Variants in CPNE4 observed in about 807,000 individuals in gnomAD.
CPNE4 encodes the protein copine-4.
Under a neutral mutation model 67.9 loss-of-function variants are expected in CPNE4, and 25 were observed. That is an observed-to-expected ratio of 0.37 (90% CI 0.27 to 0.51). The LOEUF is 0.51. Among genes scored for constraint, CPNE4 ranks in the 20% least tolerant of loss-of-function variants. The probability of loss-of-function intolerance (pLI) is 0.93; values close to 1 mark genes in which losing one functional copy is unlikely to be tolerated. For synonymous variants in CPNE4, 242 were observed against 244.9 expected (o/e 0.99, Z 0.11); for missense variants, 464 against 690.8 (o/e 0.67, Z 3.68).
intron 2 of CPNE4, among the ~76,000 whole-genome samples, chr3:131,845,587 C>A (rs2085965053): frequency 6.6e-6 from 1 of 152,180 alleles, no homozygotes; most frequent in Admixed American, 6.5e-5. Context: ...GAACCCACGA[C>A]AGTCAAGAGA....
intron 15 of CPNE4, among the ~76,000 whole-genome samples, chr3:131,539,911 G>A (rs11921473): frequency 0.037 from 5,664 of 152,218 alleles, 257 homozygotes; most frequent in African/African-American, 0.1. Flanking sequence ...GGAGAAACTA[G>A]CTTCATTAAT....
chr3:132,022,033 C>G (rs1247345868), intron 1 of CPNE4, among the ~76,000 whole-genome samples: 2 of 152,202 alleles, frequency 1.3e-5, no homozygotes, highest in Non-Finnish European at 2.9e-5. Flanking sequence ...CCCTATTATT[C>G]CACCCCATAG....
intron 3 of CPNE4, among the ~76,000 whole-genome samples, chr3:131,700,921 A>T (rs949446973): frequency 6.6e-6 from 1 of 152,074 alleles, no homozygotes; most frequent in Non-Finnish European, 1.5e-5. Flanking sequence ...GCCATAAAAA[A>T]GGATGAGTTC....
chr3:131,690,800 G>T (rs897655074), intron 5 of CPNE4, among the ~76,000 whole-genome samples: 1 of 151,188 alleles, frequency 6.6e-6, no homozygotes, highest in African/African-American at 2.4e-5. Context: ...CAAACTATTT[G>T]TCTGGCAAAG....
intron 2 of CPNE4, among the ~76,000 whole-genome samples, chr3:131,768,999 G>A (rs374119962): frequency 3.7e-4 from 56 of 152,298 alleles, no homozygotes; most frequent in South Asian, 3.1e-3. Flanking sequence ...CATCTGGCAC[G>A]AGGATGTGAA....
chr3:131,978,576 C>T (rs2072817699), intron 1 of CPNE4, among the ~76,000 whole-genome samples: 2 of 83,490 alleles, frequency 2.4e-5, no homozygotes, highest in Non-Finnish European at 2.4e-5. Flanking sequence ...GTTTCTTTAT[C>T]CACTCTCCTC....
chr3:132,035,127 C>A, upstream of CPNE4: 2 of 920,872 alleles, frequency 2.2e-6, no homozygotes, highest in Non-Finnish European at 2.6e-6. Context: ...CGAGCTCAGG[C>A]CCCGCCCAGG....
At position 131,792,618 on chromosome 3, in the gene CPNE4, TGTATATATATATACACAC is replaced by T. The variant is rs1450055831; in HGVS notation, c.181-69011_181-68994del. ...ATATGTATATGTGTGTGTGTATATA[TGTATATATATATACACAC>T]GTGTATATATGTATATATACACACG... On this transcript the variant is annotated intron_variant, in intron 2 of 15. Transcript: ENST00000429747. Among the ~76,000 whole-genome samples the T allele has an allele frequency of 3.3e-4, 40 of 121,242 alleles. 1 individual carries two copies. The highest frequency in any genetic ancestry group is 1.2e-3 in the African/African-American group (36 of 30,398). The allele number at this position is 121,242 out of a possible 152,430, so 79.5% of individuals were successfully genotyped here.
chr3:131,982,857 G>T (rs1203079594), intron 1 of CPNE4, among the ~76,000 whole-genome samples: 1 of 151,848 alleles, frequency 6.6e-6, no homozygotes, highest in East Asian at 1.9e-4. Context: ...ACATATATAT[G>T]AAATACTATC....
At chr3:131,840,576 G>C (rs1400233997) in intron 2 of CPNE4, among the ~76,000 whole-genome samples, 1 of 152,184 alleles carries the variant, frequency 6.6e-6, no homozygotes, top group Non-Finnish European at 1.5e-5. Flanking sequence ...GAGATGATGT[G>C]GCTCTTGAAC....
At chr3:131,667,524 G>T (rs1474718848) in intron 7 of CPNE4, among the ~76,000 whole-genome samples, 1 of 151,936 alleles carries the variant, frequency 6.6e-6, no homozygotes, top group Non-Finnish European at 1.5e-5. Flanking sequence ...GATCCTACAG[G>T]CACAGGACAG....
Position 131,569,446 on chromosome 3 carries a change from G to T in CPNE4, c.928-5097C>A, listed in dbSNP as rs544501569. On this transcript the variant is annotated intron_variant, in intron 10 of 15. Coordinates refer to ENST00000429747, the MANE Select transcript of CPNE4 (RefSeq NM_130808.3). ...GGCCAGGAGTTTGAGACCAGCTTGG[G>T]CAACACAGCTGGACCCTGTCTCTAC... Among the ~76,000 whole-genome samples, 13 of 151,866 alleles carry T rather than the reference G, an allele frequency of 8.6e-5. No homozygotes were observed. The South Asian group carries it at 2.7e-3, about 32-fold the overall frequency.
chr3:131,568,387 G>T (rs1285499705), intron 10 of CPNE4, among the ~76,000 whole-genome samples: 2 of 151,972 alleles, frequency 1.3e-5, no homozygotes, highest in African/African-American at 4.8e-5. Context: ...TGAAAGATGG[G>T]ATTAAGTTGA....
At position 131,944,224 on chromosome 3, in the gene CPNE4, T is replaced by TC. The variant is rs1491253778; in HGVS notation, c.-1-38781_-1-38780insG. On this transcript the variant is annotated intron_variant, in intron 1 of 15. Transcript: ENST00000429747. ...AAGCTGAACCTCTTTCCTCTCTCTC[T>TC]TTTTTTTTTTCCAGAAAAGAATACA... 4.8e-4 allele frequency among the ~76,000 whole-genome samples: 39 copies of TC among 81,614 alleles called. No homozygotes were observed. The South Asian group carries it at 0.011, about 24-fold the overall frequency. The allele number at this position is 81,614 out of a possible 152,430, so 53.5% of individuals were successfully genotyped here. A position where few individuals can be genotyped will look rare whatever the true frequency, so the allele number is the denominator to read the frequency against.
At chr3:131,708,110 G>C (rs1334365371) in intron 3 of CPNE4, among the ~76,000 whole-genome samples, 1 of 152,146 alleles carries the variant, frequency 6.6e-6, no homozygotes, top group Non-Finnish European at 1.5e-5. Context: ...GGCTGTGGAA[G>C]GGGTGAAAAG....
intron 6 of CPNE4, 79 bp downstream of exon 6, chr3:131,685,796 A>G (rs889841922): frequency 3.2e-6 from 3 of 950,796 alleles, no homozygotes; most frequent in Admixed American, 4.3e-5. Flanking sequence ...ACACACACAC[A>G]CAAAAAGGAG....
At chr3:131,789,099 C>T (rs559997722) in intron 2 of CPNE4, among the ~76,000 whole-genome samples, 4 of 151,554 alleles carry the variant, frequency 2.6e-5, no homozygotes, top group African/African-American at 9.7e-5. Context: ...AAGGAAACTT[C>T]CACCTGGTCC....
intron 1 of CPNE4, among the ~76,000 whole-genome samples, chr3:132,021,936 A>C (rs1409331569): frequency 1.3e-5 from 2 of 152,230 alleles, no homozygotes; most frequent in African/African-American, 4.8e-5. Context: ...TTTCGATCTA[A>C]GTAACCAAGA....
intron 3 of CPNE4, among the ~76,000 whole-genome samples, chr3:131,711,221 C>T (rs943206559): frequency 3.3e-5 from 5 of 152,130 alleles, no homozygotes; most frequent in Admixed American, 6.5e-5. Context: ...GTGAATTCCC[C>T]CTTAAAGAGT....
Sources: allele counts gnomAD v4.1 joint callset (sites outside exome capture counted in the v4.1 genomes callset), GRCh38; gene constraint gnomAD v4.1.1; transcripts MANE v1.5; gene names NCBI Gene and HGNC (gene_info 2026-07-23, HGNC 2026-07-21).